ASIC4: variants seen among roughly 807,000 people sequenced by gnomAD.
ASIC4 encodes the protein acid-sensing ion channel 4.
A neutral mutation model predicts 53.4 loss-of-function variants in ASIC4; 28 were observed. The observed-to-expected ratio is 0.52, with a 90% CI of 0.39 to 0.72. ASIC4 has a LOEUF of 0.72. Ranked by LOEUF, ASIC4 falls within the 30% of genes least tolerant of loss-of-function variation. The pLI, the probability that ASIC4 is intolerant of heterozygous loss-of-function variation, is 0.00. For missense variants in ASIC4, 649 were observed against 729.7 expected (o/e 0.89, Z 1.27); for synonymous variants, 289 against 301.4 (o/e 0.96, Z 0.43).
intron 6 of ASIC4, among the ~76,000 whole-genome samples, chr2:219,535,748 CT>C (rs564756271): frequency 2.0e-5 from 3 of 150,528 alleles, no homozygotes; most frequent in Admixed American, 2.0e-4. Context: ...CGGGAATGCC[CT>C]TCATAGCTCT....
chr2:219,509,437 T>A (rs1694671562), upstream of ASIC4, among the ~76,000 whole-genome samples: 1 of 152,144 alleles, frequency 6.6e-6, no homozygotes, highest in Non-Finnish European at 1.5e-5. The surrounding 1 kb of genome is among the most constrained non-coding windows in gnomAD (Gnocchi z 5.2). Flanking sequence ...CTACACCCAC[T>A]GACACACGCT....
chr2:219,537,875 C>T lies in ASIC4; in HGVS notation c.1507-58C>T, dbSNP rs1283134258. 21 of 1,503,204 alleles carry T rather than the reference C, an allele frequency of 1.4e-5. 1 individual carries two copies. In the South Asian group the frequency reaches 2.3e-4, roughly 16 times the overall value. 93.1% of individuals were successfully genotyped at this position (1,503,204 alleles called of 1,614,324 possible). A position where few individuals can be genotyped will look rare whatever the true frequency, so the allele number is the denominator to read the frequency against. ...GACAAGGAAAGGCTGGCGGTGTGAG[C>T]CCTGGGGGCACCACTTGAGCTCTCC... is the stretch of plus-strand genomic sequence containing the variant. On this transcript the variant is annotated intron_variant, in intron 9 of 9. Coordinates refer to ENST00000358078, the MANE Select transcript of ASIC4 (RefSeq NM_018674.6). This position sits in a 1 kb window ranked among gnomAD's most constrained non-coding sequence, Gnocchi z 4.9.
intron 1 of ASIC4, among the ~76,000 whole-genome samples, chr2:219,528,023 CA>C (rs1694985586): frequency 1.3e-5 from 2 of 152,374 alleles, no homozygotes; most frequent in South Asian, 4.1e-4. Context: ...GTGAGGAGCT[CA>C]TAACGTGGGT....
chr2:219,518,589 C>T lies in ASIC4; in HGVS notation c.582+3283C>T, dbSNP rs1463995944. Among the ~76,000 whole-genome samples the T allele has an allele frequency of 1.3e-5, 2 of 152,054 alleles. No individual in the cohort carries two copies. The highest frequency in any genetic ancestry group is 2.9e-5 in the Non-Finnish European group (2 of 68,014). On this transcript the variant is annotated intron_variant, in intron 1 of 9. Transcript: ENST00000358078. The surrounding 1 kb of genome is among the most constrained non-coding windows in gnomAD (Gnocchi z 4.8). ...CCCATTCTACCACCTGTATGTCCCC[C>T]ACCCCCAGCCTTGTAGACAGCTCTC...
At chr2:219,511,457 T>A (rs1396829860), upstream of ASIC4, among the ~76,000 whole-genome samples, 1 of 149,820 alleles carries the variant, frequency 6.7e-6, no homozygotes. The surrounding 1 kb of genome is among the most constrained non-coding windows in gnomAD (Gnocchi z 5.3). Flanking sequence ...TCATTCTCAC[T>A]GTCAGGAAGC....
chr2:219,515,246 C>T lies in ASIC4; in HGVS notation c.522C>T (p.Ala174=), dbSNP rs777630389. The T allele has an allele frequency of 6.8e-6, 11 of 1,614,028 alleles. No individual in the cohort carries two copies. Among genetic ancestry groups the T allele is most frequent in the Admixed American group, 3.3e-5 (2 of 60,006 alleles). ...DILNRTGHQL[A]DMLKSCNFSG... ...TCAACCGCACTGGCCACCAGCTCGC[C>T]GACATGCTTAAGAGCTGCAACTTCA... Residue 174 remains alanine (A), a synonymous_variant, in exon 1 of 10, where the codon GCC becomes GCT. Coordinates refer to ENST00000358078, the MANE Select transcript of ASIC4 (RefSeq NM_018674.6).
At chr2:219,523,163 C>G (rs140741898) in intron 1 of ASIC4, among the ~76,000 whole-genome samples, 2 of 152,206 alleles carry the variant, frequency 1.3e-5, no homozygotes, top group East Asian at 3.9e-4. Context: ...AAACTCTTGA[C>G]GAGGAACTTT....
At chr2:219,527,461 C>G (rs777387281) in intron 1 of ASIC4, among the ~76,000 whole-genome samples, 1 of 152,174 alleles carries the variant, frequency 6.6e-6, no homozygotes, top group Non-Finnish European at 1.5e-5. Context: ...AGGGTGGGCT[C>G]GGTTCCATGT....
In ASIC4 at chr2:219,516,021, T is replaced by G. The variant is rs1320199335; in HGVS notation, c.582+715T>G. Reference sequence around the variant, plus strand: ...ACTGGGAATCACTGGTTCACTCTTATGTGCATAACTCACCCTCACTGCTGC... The same window carrying G: ...ACTGGGAATCACTGGTTCACTCTTAGGTGCATAACTCACCCTCACTGCTGC... On this transcript the variant is annotated intron_variant, in intron 1 of 9. Coordinates refer to ENST00000358078, the MANE Select transcript of ASIC4 (RefSeq NM_018674.6). This position sits in a 1 kb window ranked among gnomAD's most constrained non-coding sequence, Gnocchi z 4.9. 6.6e-6 allele frequency among the ~76,000 whole-genome samples: 1 copy of G among 152,194 alleles called. No homozygotes were observed. The highest frequency in any genetic ancestry group is 2.1e-4 in the South Asian group (1 of 4,836).
Position 219,514,495 on chromosome 2 carries a change from A to G in ASIC4, c.-230A>G. 1.3e-6 allele frequency: 2 copies of G among 1,550,728 alleles called. No homozygotes were observed. The highest frequency in any genetic ancestry group is 1.7e-6 in the Non-Finnish European group (2 of 1,146,982). On this transcript the variant is annotated 5_prime_UTR_variant, in exon 1 of 10. Transcript: ENST00000358078. ...AAGGAGACGATCGAGGAGAGAGACAAGCGGCAGCAGAGGCAGCAGCGGCAG... is the reference window on the plus strand; with the variant it reads ...AAGGAGACGATCGAGGAGAGAGACAGGCGGCAGCAGAGGCAGCAGCGGCAG...
chr2:219,525,850 G>A (rs1325976475), intron 1 of ASIC4, among the ~76,000 whole-genome samples: 3 of 152,226 alleles, frequency 2.0e-5, no homozygotes, highest in Non-Finnish European at 4.4e-5. Context: ...AGAGAGGCAT[G>A]GGGGTGGACC....
intron 1 of ASIC4, among the ~76,000 whole-genome samples, chr2:219,525,463 G>A (rs1182305698): frequency 6.6e-6 from 1 of 152,228 alleles, no homozygotes; most frequent in African/African-American, 2.4e-5. Flanking sequence ...GGGAGGTGAT[G>A]TTGGCCCGTG....
At chr2:219,510,871 C>T (rs1694691769), upstream of ASIC4, among the ~76,000 whole-genome samples, 1 of 151,770 alleles carries the variant, frequency 6.6e-6, no homozygotes, top group East Asian at 1.9e-4. This position sits in a 1 kb window ranked among gnomAD's most constrained non-coding sequence, Gnocchi z 5.2. Context: ...TCATTAACCG[C>T]TTCTCCTGCC....
chr2:219,532,411 T>C lies in ASIC4; in HGVS notation c.952T>C (p.Cys318Arg). 1 of 1,614,044 alleles carries C rather than the reference T, an allele frequency of 6.2e-7. No individual in the cohort carries two copies. Among genetic ancestry groups the C allele is most frequent in the Non-Finnish European group, 8.5e-7 (1 of 1,179,948 alleles). ...CTACTCGGCCTACAGTGTGTCTGCC[T>C]GCCGGCTGCGCTGTGAAAAGGAGGC... ...QGYSAYSVSACRLRCEKEAVL... is the reference protein window; with the variant it reads ...QGYSAYSVSARRLRCEKEAVL... Residue 318 changes from cysteine to arginine, a missense_variant, in exon 4 of 10, where the codon TGC becomes CGC. Coordinates refer to ENST00000358078, the MANE Select transcript of ASIC4 (RefSeq NM_018674.6).
In ASIC4 at chr2:219,514,891, G is replaced by A. The variant is rs776539734; in HGVS notation, c.167G>A (p.Arg56Gln). ...ASTSTLHGLG[R>Q]ACGPGPHGLR... is the part of the protein sequence containing the mutation. Reference sequence around the variant, plus strand: ...ACCAGCACCCTGCATGGACTGGGCCGGGCCTGTGGCCCAGGCCCCCACGGA... The same window carrying A: ...ACCAGCACCCTGCATGGACTGGGCCAGGCCTGTGGCCCAGGCCCCCACGGA... The change falls in exon 1 of 10, where the codon CGG (arginine) becomes CAG (glutamine). Residue 56 changes from arginine to glutamine, a missense_variant. Physicochemically the swap from Arg to Gln is conservative, Grantham distance 43. Transcript: ENST00000358078. 7.4e-6 allele frequency: 12 copies of A among 1,612,468 alleles called. No homozygotes were observed. In the East Asian group the frequency reaches 1.1e-4, roughly 15 times the overall value.
the ASIC4 span, among the ~76,000 whole-genome samples, chr2:219,507,985 C>T: frequency 6.6e-6 from 1 of 152,096 alleles, no homozygotes; most frequent in Non-Finnish European, 1.5e-5. Context: ...TGTGACCTCC[C>T]AGGCCCCTCA....
chr2:219,529,048 TCC>T (rs1287214235), intron 1 of ASIC4, among the ~76,000 whole-genome samples: 2 of 152,268 alleles, frequency 1.3e-5, no homozygotes, highest in African/African-American at 4.8e-5. Context: ...TTTAAAAAGA[TCC>T]CCCTGATTTG....
chr2:219,529,318 C>T (rs1414197264), intron 1 of ASIC4, among the ~76,000 whole-genome samples: 3 of 152,082 alleles, frequency 2.0e-5, no homozygotes, highest in Non-Finnish European at 4.4e-5. Context: ...AGGGGTGATA[C>T]CTGTGGGGTC....
chr2:219,530,861 G>A (rs1226937693), intron 1 of ASIC4, among the ~76,000 whole-genome samples: 1 of 152,236 alleles, frequency 6.6e-6, no homozygotes, highest in Non-Finnish European at 1.5e-5. Context: ...ACTTCATTAT[G>A]TGGGAAATGG....
Sources: allele counts gnomAD v4.1 joint callset (sites outside exome capture counted in the v4.1 genomes callset), GRCh38; gene constraint gnomAD v4.1.1; non-coding constraint Gnocchi (gnomAD v3.1); transcripts MANE v1.5; gene names NCBI Gene and HGNC (gene_info 2026-07-23, HGNC 2026-07-21).